The following CPNE5 variants were observed in gnomAD, a reference collection of about 807,000 sequenced individuals.
CPNE5 encodes copine-5.
In CPNE5, 42 loss-of-function variants were observed where a neutral mutation model predicts 81.1. The observed-to-expected ratio is 0.52, with a 90% CI of 0.40 to 0.67. The LOEUF is 0.67. Among genes scored for constraint, CPNE5 ranks in the 30% least tolerant of loss-of-function variants. The probability of loss-of-function intolerance (pLI) is 0.00; values close to 1 mark genes in which losing one functional copy is unlikely to be tolerated. For synonymous variants in CPNE5, 313 were observed against 321.5 expected (o/e 0.97, Z 0.28); for missense variants, 612 against 815.5 (o/e 0.75, Z 3.04).
rs550192649 is a variant in CPNE5 at position 36,776,560 on chromosome 6, G to A, written c.633-1495C>T. Reference sequence around the variant, plus strand: ...GGAGCTGGAGGGACAACAAGGAGTAGGGAATGGGTGGTCCCAGAGGGATGG... The same window carrying A: ...GGAGCTGGAGGGACAACAAGGAGTAAGGAATGGGTGGTCCCAGAGGGATGG... On this transcript the variant is annotated intron_variant, in intron 9 of 20. Transcript: ENST00000244751. Among the ~76,000 whole-genome samples, 45 of 152,220 alleles carry A rather than the reference G, an allele frequency of 3.0e-4. 2 individuals are homozygous for A. In the South Asian group the frequency reaches 9.1e-3, roughly 31 times the overall value.
At chr6:36,773,996 G>T (rs910260283) in intron 10 of CPNE5, among the ~76,000 whole-genome samples, 1 of 151,424 alleles carries the variant, frequency 6.6e-6, no homozygotes, top group Non-Finnish European at 1.5e-5. Flanking sequence ...AGCCCAGGAG[G>T]TGGAAGCTGC....
intron 1 of CPNE5, among the ~76,000 whole-genome samples, chr6:36,836,381 G>A (rs1249903692): frequency 3.3e-5 from 5 of 152,122 alleles, no homozygotes; most frequent in Non-Finnish European, 7.4e-5. Context: ...AAGGCTCTGT[G>A]GTAGGGGAGT....
rs1295641119 is a variant in CPNE5, at chr6:36,746,364, C to G, written c.1200+32G>C. The G allele has an allele frequency of 6.4e-7, 1 of 1,562,496 alleles. No homozygotes were observed. On this transcript the variant is annotated intron_variant, in intron 16 of 20. Coordinates refer to ENST00000244751, the MANE Select transcript of CPNE5 (RefSeq NM_020939.2). The surrounding 1 kb of genome is among the most constrained non-coding windows in gnomAD (Gnocchi z 4.5). ...CTTGTCACCTCACCCCCAGCCTGATCAGTCCTCTCTCCCACCAGCGGGACC... is the reference window on the plus strand; with the variant it reads ...CTTGTCACCTCACCCCCAGCCTGATGAGTCCTCTCTCCCACCAGCGGGACC...
At chr6:36,763,679 C>T (rs553158764) in intron 11 of CPNE5, among the ~76,000 whole-genome samples, 1 of 151,518 alleles carries the variant, frequency 6.6e-6, no homozygotes, top group South Asian at 2.1e-4. Context: ...TGGGAAAGTG[C>T]CCTTATTTTT....
chr6:36,791,187 G>T (rs1442187769), intron 8 of CPNE5, among the ~76,000 whole-genome samples: 1 of 152,154 alleles, frequency 6.6e-6, no homozygotes, highest in Admixed American at 6.6e-5. Context: ...TCTTAGGTTA[G>T]ATGGTGGTGC....
chr6:36,768,884 C>T (rs186746085), intron 10 of CPNE5, among the ~76,000 whole-genome samples: 29 of 152,282 alleles, frequency 1.9e-4, no homozygotes, highest in Admixed American at 5.9e-4. Flanking sequence ...TCTGTTGCCC[C>T]GAGCAACTGG....
At chr6:36,803,170 A>G (rs1280385735) in intron 3 of CPNE5, among the ~76,000 whole-genome samples, 2 of 152,094 alleles carry the variant, frequency 1.3e-5, no homozygotes, top group Non-Finnish European at 2.9e-5. Flanking sequence ...AGTCAATCTC[A>G]TCGGCTAAAT....
chr6:36,762,641 A>G (rs236432), intron 12 of CPNE5, among the ~76,000 whole-genome samples: 126,873 of 152,126 alleles, frequency 0.83, 52,956 homozygotes, highest in Middle Eastern at 0.89. Context: ...CTTGCTTGTG[A>G]GAACTGCTCT....
rs766403995 is a variant in CPNE5, at chr6:36,748,287, A to C, written c.972-20T>G. On this transcript the variant is annotated intron_variant, in intron 14 of 20. Transcript: ENST00000244751. ...TGGGTCCTAGAAGAGGGAGAACAGC[A>C]GGGGAGTCACCTGGAGGGAGGCAGG... The C allele has an allele frequency of 6.2e-7, 1 of 1,613,454 alleles. No homozygotes were observed. Among genetic ancestry groups the C allele is most frequent in the African/African-American group, 1.3e-5 (1 of 74,916 alleles).
rs3734334 is a variant in CPNE5 at position 36,823,096 on chromosome 6, T to C, written c.98A>G (p.Asn33Ser). The change falls in exon 2 of 21, where the codon AAC becomes AGC. Residue 33 changes from asparagine to serine, a missense_variant and splice_region_variant. Coordinates refer to ENST00000244751, the MANE Select transcript of CPNE5 (RefSeq NM_020939.2). ...TKVEITVSCR[N>S]LLDKDMFSKS... ...GGAAAACATGTCTTTGTCCAGGAGG[T>C]TCCTGAAAGAGGGGGAGAGAGGAGG... The C allele has an allele frequency of 7.0e-5, 110 of 1,566,942 alleles. 1 individual carries two copies. In the East Asian group the frequency reaches 2.5e-3, roughly 36 times the overall value.
At chr6:36,802,217 C>CAAAAAAA (rs57677612) in intron 3 of CPNE5, among the ~76,000 whole-genome samples, 2 of 56,716 alleles carry the variant, frequency 3.5e-5, no homozygotes, top group Non-Finnish European at 6.2e-5. Context: ...GACTCCATCT[C>CAAAAAAA]AAAAAAAAAA....
Position 36,748,264 on chromosome 6 carries a change from G to A in CPNE5, c.975C>T (p.Thr325=). 1 of 1,614,092 alleles carries A rather than the reference G, an allele frequency of 6.2e-7. No homozygotes were observed. Among genetic ancestry groups the A allele is most frequent in the Non-Finnish European group, 8.5e-7 (1 of 1,179,976 alleles). ...CAATGGCCACAGTGAAGTTGATCTGGGTCCTAGAAGAGGGAGAACAGCAGG... is the reference window on the plus strand; with the variant it reads ...CAATGGCCACAGTGAAGTTGATCTGAGTCCTAGAAGAGGGAGAACAGCAGG... ...CTFLDYIKGG[T]QINFTVAIDF... Residue 325 remains threonine (T), a synonymous_variant, in exon 15 of 21, where the codon ACC becomes ACT. Transcript: ENST00000244751.
chr6:36,745,286 CA>C, intron 17 of CPNE5, 101 bp downstream of exon 17: 1 of 1,471,182 alleles, frequency 6.8e-7, no homozygotes, highest in East Asian at 2.4e-5. Flanking sequence ...CCCTGAAAGG[CA>C]AGTGCGTGGG....
intron 1 of CPNE5, among the ~76,000 whole-genome samples, chr6:36,828,624 AGGCAAAGTAT>A (rs1772726407): frequency 6.6e-6 from 1 of 152,240 alleles, no homozygotes; most frequent in South Asian, 2.1e-4. Flanking sequence ...GGCCCCCAAT[AGGCAAAGTAT>A]GGCATATTGG....
chr6:36,768,605 T>C (rs1198184067), intron 10 of CPNE5, among the ~76,000 whole-genome samples: 1 of 152,228 alleles, frequency 6.6e-6, no homozygotes, highest in African/African-American at 2.4e-5. Context: ...TGTCACCTGC[T>C]GGCCTTGGCT....
At chr6:36,831,138 T>A (rs1027520340) in intron 1 of CPNE5, among the ~76,000 whole-genome samples, 4 of 152,188 alleles carry the variant, frequency 2.6e-5, no homozygotes, top group Admixed American at 2.0e-4. Flanking sequence ...CACTGCAACC[T>A]CCGCCTCCTG....
chr6:36,826,176 C>A (rs1469841188), intron 1 of CPNE5, among the ~76,000 whole-genome samples: 1 of 151,958 alleles, frequency 6.6e-6, no homozygotes, highest in Non-Finnish European at 1.5e-5. Flanking sequence ...GTGTTATGGG[C>A]GGTGGGAGGG....
chr6:36,816,954 T>C (rs926479618), intron 3 of CPNE5, among the ~76,000 whole-genome samples: 4 of 152,150 alleles, frequency 2.6e-5, no homozygotes, highest in African/African-American at 9.7e-5. Context: ...AATTTTTAGA[T>C]TTTCAGTAGG....
chr6:36,751,950 C>T (rs764576202), intron 14 of CPNE5, among the ~76,000 whole-genome samples: 29 of 151,680 alleles, frequency 1.9e-4, no homozygotes, highest in Non-Finnish European at 3.4e-4. Flanking sequence ...AGTGCAAAGG[C>T]GGGGTCTGGA....
Sources: allele counts gnomAD v4.1 joint callset (sites outside exome capture counted in the v4.1 genomes callset), GRCh38; gene constraint gnomAD v4.1.1; non-coding constraint Gnocchi (gnomAD v3.1); transcripts MANE v1.5; gene names NCBI Gene and HGNC (gene_info 2026-07-23, HGNC 2026-07-21).